Variants in ZNF184 observed in about 807,000 individuals in gnomAD.
ZNF184 encodes the protein zinc finger protein 184, also known as zinc finger protein 184 (Kruppel-like).
A neutral mutation model predicts 54.4 loss-of-function variants in ZNF184; 16 were observed. The observed-to-expected ratio is 0.29, with a 90% CI of 0.20 to 0.45. The LOEUF (loss-of-function observed/expected upper bound fraction) is 0.45. Ranked by LOEUF, ZNF184 falls within the 20% of genes least tolerant of loss-of-function variation. The pLI is 1.00. For missense variants in ZNF184, 681 were observed against 888.2 expected (o/e 0.77, Z 2.97); for synonymous variants, 254 against 295.3 (o/e 0.86, Z 1.43).
chr6:27,430,551 C>CA, the ZNF184 span, among the ~76,000 whole-genome samples: 2 of 152,006 alleles, frequency 1.3e-5, no homozygotes, highest in Non-Finnish European at 1.5e-5. Flanking sequence ...GAGGAGGGTA[C>CA]AATGGAGGCA....
chr6:27,422,122 C>G, the ZNF184 span, among the ~76,000 whole-genome samples: 9 of 87,004 alleles, frequency 1.0e-4, no homozygotes, highest in East Asian at 3.2e-4. Flanking sequence ...GCCTGTGCAA[C>G]AGGACGAGGC....
the ZNF184 span, among the ~76,000 whole-genome samples, chr6:27,435,711 G>A: frequency 0.014 from 2,099 of 152,088 alleles, 42 homozygotes; most frequent in African/African-American, 0.044. Context: ...GCATGACCTC[G>A]GAACTCTTAC....
Position 27,472,512 on chromosome 6 carries a change from T to C in ZNF184, c.-139-79A>G, listed in dbSNP as rs1763303455. ...GTCTTGCAAAGTGACCAAGAGGTGCTACACAAGAGAAGTGCCCCAAGAGAG... is the reference window on the plus strand; with the variant it reads ...GTCTTGCAAAGTGACCAAGAGGTGCCACACAAGAGAAGTGCCCCAAGAGAG... On this transcript the variant is annotated intron_variant, in intron 1 of 5. Coordinates refer to ENST00000683788, the MANE Select transcript of ZNF184 (RefSeq NM_001318891.2). The surrounding 1 kb of genome is among the most constrained non-coding windows in gnomAD (Gnocchi z 4.8). The C allele has an allele frequency of 3.5e-6, 2 of 578,342 alleles. No individual in the cohort carries two copies. The highest frequency in any genetic ancestry group is 3.7e-5 in the African/African-American group (2 of 53,660). The allele number at this position is 578,342 out of a possible 1,614,324, so 35.8% of individuals were successfully genotyped here. A position where few individuals can be genotyped will look rare whatever the true frequency, so the allele number is the denominator to read the frequency against.
At chr6:27,413,579 T>C in the ZNF184 span, among the ~76,000 whole-genome samples, 3 of 152,352 alleles carry the variant, frequency 2.0e-5, no homozygotes, top group South Asian at 6.2e-4. Context: ...TTTTTCTTCA[T>C]TTTATTCTTT....
the ZNF184 span, among the ~76,000 whole-genome samples, chr6:27,425,838 C>T: frequency 6.6e-6 from 1 of 152,166 alleles, no homozygotes; most frequent in Non-Finnish European, 1.5e-5. Context: ...TAAATCTTAA[C>T]TCTTCCCAGA....
At chr6:27,421,676 T>C in the ZNF184 span, among the ~76,000 whole-genome samples, 1 of 152,192 alleles carries the variant, frequency 6.6e-6, no homozygotes, top group Non-Finnish European at 1.5e-5. Flanking sequence ...GGAAACTATA[T>C]GACAACCCAG....
At chr6:27,437,399 C>T in the ZNF184 span, among the ~76,000 whole-genome samples, 28 of 152,204 alleles carry the variant, frequency 1.8e-4, no homozygotes, top group Non-Finnish European at 3.4e-4. Context: ...TAGTCAATAG[C>T]CAGCAAGAAA....
chr6:27,414,607 G>A, the ZNF184 span, among the ~76,000 whole-genome samples: 1 of 151,700 alleles, frequency 6.6e-6, no homozygotes, highest in Admixed American at 6.6e-5. Context: ...TATCCAGATG[G>A]CTCTTTCTTT....
the ZNF184 span, among the ~76,000 whole-genome samples, chr6:27,424,801 C>T: frequency 1.3e-5 from 2 of 152,256 alleles, no homozygotes; most frequent in African/African-American, 4.8e-5. Flanking sequence ...GGTGGAGCTG[C>T]CTGCCAGTCC....
At chr6:27,441,593 C>G in the ZNF184 span, among the ~76,000 whole-genome samples, 1 of 151,832 alleles carries the variant, frequency 6.6e-6, no homozygotes, top group Non-Finnish European at 1.5e-5. Context: ...TTAATTTCAA[C>G]TTTGTCACTT....
At chr6:27,466,790 A>G (rs565985804) in intron 3 of ZNF184, among the ~76,000 whole-genome samples, 2 of 152,288 alleles carry the variant, frequency 1.3e-5, no homozygotes, top group South Asian at 2.1e-4. Flanking sequence ...AAATTTTAAG[A>G]AGGAGGAGGG....
Position 27,452,615 on chromosome 6 carries a change from A to C in ZNF184, c.944T>G (p.Phe315Cys), listed in dbSNP as rs1476772016. The change falls in exon 6 of 6, where the codon TTT becomes TGT. Residue 315 changes from phenylalanine to cysteine, a missense_variant. Physicochemically the swap from Phe to Cys is radical, Grantham distance 205. Transcript: ENST00000683788. The surrounding 1 kb of genome is among the most constrained non-coding windows in gnomAD (Gnocchi z 5.5). The part of the protein sequence containing the change: ...PYKCDECGKA[F>C]SQRTHLVQHQ... ...CTGAACAAGATGGGTCCTCTGACTA[A>C]AGGCTTTCCCACATTCATCACATTT... 6.2e-7 allele frequency: 1 copy of C among 1,613,948 alleles called. No individual in the cohort carries two copies. Among genetic ancestry groups the C allele is most frequent in the East Asian group, 2.2e-5 (1 of 44,898 alleles).
At chr6:27,441,161 A>G in the ZNF184 span, among the ~76,000 whole-genome samples, 1 of 152,168 alleles carries the variant, frequency 6.6e-6, no homozygotes, top group Non-Finnish European at 1.5e-5. Context: ...ATTTACTGAT[A>G]GGCATTGTGA....
At chr6:27,471,640 T>C (rs1763278564) in intron 2 of ZNF184, among the ~76,000 whole-genome samples, 1 of 152,192 alleles carries the variant, frequency 6.6e-6, no homozygotes, top group Non-Finnish European at 1.5e-5. Context: ...ATACATCACA[T>C]AGACCAATCA....
chr6:27,423,726 T>C, the ZNF184 span, among the ~76,000 whole-genome samples: 1 of 138,008 alleles, frequency 7.2e-6, no homozygotes, highest in African/African-American at 2.5e-5. Flanking sequence ...TATTTATATA[T>C]CTATATACAA....
At chr6:27,441,482 TGG>T in the ZNF184 span, among the ~76,000 whole-genome samples, 4 of 151,722 alleles carry the variant, frequency 2.6e-5, no homozygotes, top group African/African-American at 9.6e-5. Context: ...CCCAAAGTGC[TGG>T]GATTACAGAC....
At chr6:27,465,342 A>G (rs536261835) in intron 3 of ZNF184, among the ~76,000 whole-genome samples, 4 of 150,020 alleles carry the variant, frequency 2.7e-5, no homozygotes, top group Middle Eastern at 3.4e-3. Context: ...AAAATTAGCC[A>G]GGCATGGTGG....
the ZNF184 span, among the ~76,000 whole-genome samples, chr6:27,431,904 A>T: frequency 6.6e-6 from 1 of 152,176 alleles, no homozygotes. Context: ...CACACACACT[A>T]AAGGAGTAAG....
chr6:27,459,955 G>C (rs1399908264), intron 3 of ZNF184, among the ~76,000 whole-genome samples: 1 of 152,146 alleles, frequency 6.6e-6, no homozygotes, highest in African/African-American at 2.4e-5. Context: ...TTGAGCCCAA[G>C]AGTTCAAGAC....
Sources: gnomAD v4.1 joint callset for allele counts (sites outside exome capture counted in the v4.1 genomes callset) on GRCh38, gnomAD v4.1.1 for gene constraint, Gnocchi (gnomAD v3.1) non-coding constraint, MANE v1.5 for transcripts, NCBI Gene and HGNC (gene_info 2026-07-23, HGNC 2026-07-21) for gene names.